Variants in RIPOR2 observed in about 807,000 individuals in gnomAD.
RIPOR2 encodes RHO family interacting cell polarization regulator 2.
A neutral mutation model predicts 114.5 loss-of-function variants in RIPOR2; 39 were observed. That is an observed-to-expected ratio of 0.34 (90% CI 0.26 to 0.44). The LOEUF is 0.44. Ranked by LOEUF, RIPOR2 falls within the 20% of genes least tolerant of loss-of-function variation. RIPOR2 has a pLI of 1.00. For synonymous variants in RIPOR2, 445 were observed against 484.4 expected, an observed-to-expected ratio of 0.92 and a Z score of 1.07; for missense variants, 1,007 against 1,255.1, an observed-to-expected ratio of 0.80 and a Z score of 2.99.
At chr6:24,869,287 A>T in intron 5 of RIPOR2, 140 bp from the exon 6 acceptor site, 1 of 519,544 alleles carries the variant, frequency 1.9e-6, no homozygotes. Flanking sequence ...CTTTGAAGCT[A>T]TTTTAGAGAT....
intron 1 of RIPOR2, among the ~76,000 whole-genome samples, chr6:24,923,024 G>A (rs1456159963): frequency 6.6e-6 from 1 of 152,040 alleles, no homozygotes; most frequent in East Asian, 1.9e-4. Flanking sequence ...GCCCTTTAAA[G>A]CAATTCCCTG....
At chr6:24,945,800 T>C (rs1437937924) in intron 1 of RIPOR2, among the ~76,000 whole-genome samples, 1 of 152,108 alleles carries the variant, frequency 6.6e-6, no homozygotes, top group East Asian at 1.9e-4. Context: ...TAGAAAAATA[T>C]CAATTTAGCA....
intron 4 of RIPOR2, 96 bp from the exon 5 acceptor site, chr6:24,870,985 G>T: frequency 1.5e-6 from 1 of 686,892 alleles, no homozygotes; most frequent in Non-Finnish European, 2.3e-6. Flanking sequence ...CACATTATCT[G>T]TGGAAATAAT....
intron 1 of RIPOR2, among the ~76,000 whole-genome samples, chr6:24,880,495 T>A (rs1428065445): frequency 6.6e-6 from 1 of 152,230 alleles, no homozygotes; most frequent in Admixed American, 6.5e-5. Context: ...TTTTCTGTAT[T>A]ATATTTTTAT....
intron 16 of RIPOR2, 23 bp downstream of exon 16, chr6:24,832,233 C>T (rs375359550): frequency 5.3e-5 from 82 of 1,549,416 alleles, no homozygotes; most frequent in African/African-American, 4.1e-4. Context: ...ACGTGAATAG[C>T]GGTGTAACTG....
Position 24,870,856 on chromosome 6 carries a change from G to T in RIPOR2, c.447+10C>A. On this transcript the variant is annotated intron_variant, in intron 5 of 21. Transcript: ENST00000643898. ...TCTTATTAGCACCCCAACACGGAAT[G>T]GCAACTTACCTTGTCTAGGTCATAC... 6.2e-7 allele frequency: 1 copy of T among 1,601,902 alleles called. No homozygotes were observed. The highest frequency in any genetic ancestry group is 1.7e-5 in the Admixed American group (1 of 58,060).
chr6:24,884,959 G>A (rs1236313709), intron 1 of RIPOR2, among the ~76,000 whole-genome samples: 2 of 151,968 alleles, frequency 1.3e-5, no homozygotes, highest in African/African-American at 2.4e-5. Context: ...AGAATCTCTG[G>A]AAAGTGATAT....
At chr6:25,013,816 A>T (rs983223) in intron 1 of RIPOR2, among the ~76,000 whole-genome samples, 67,029 of 151,998 alleles carry the variant, frequency 0.44, 16,126 homozygotes, top group Non-Finnish European at 0.54. Context: ...CACTCCATGT[A>T]AAAAAGTCCT....
intron 1 of RIPOR2, among the ~76,000 whole-genome samples, chr6:24,884,258 A>C (rs1311180393): frequency 6.6e-6 from 1 of 151,926 alleles, no homozygotes; most frequent in Non-Finnish European, 1.5e-5. Context: ...AAATACAAAA[A>C]ATTAGCCAGG....
chr6:24,916,853 G>A (rs1056908172), intron 1 of RIPOR2, among the ~76,000 whole-genome samples: 4 of 152,166 alleles, frequency 2.6e-5, no homozygotes, highest in African/African-American at 9.7e-5. Flanking sequence ...AGGTTCAGAA[G>A]TCAGTCCCCT....
intron 20 of RIPOR2, 71 bp from the exon 21 acceptor site, chr6:24,809,878 A>C: frequency 9.8e-7 from 1 of 1,015,566 alleles, no homozygotes; most frequent in Non-Finnish European, 1.5e-6. Flanking sequence ...TTGGCATTTC[A>C]CAACTGGTGG....
chr6:24,864,943 C>T (rs986577445), intron 7 of RIPOR2, among the ~76,000 whole-genome samples: 5 of 152,162 alleles, frequency 3.3e-5, no homozygotes, highest in Non-Finnish European at 2.9e-5. Context: ...ATGTGGTTTA[C>T]GCATTCATTT....
At chr6:24,991,227 G>A (rs758510127) in intron 1 of RIPOR2, among the ~76,000 whole-genome samples, 1 of 152,224 alleles carries the variant, frequency 6.6e-6, no homozygotes, top group Non-Finnish European at 1.5e-5. Context: ...GCAGCTGAGA[G>A]AGAGGACGTA....
chr6:24,829,504 T>A (rs1760480590), intron 17 of RIPOR2, among the ~76,000 whole-genome samples: 1 of 152,030 alleles, frequency 6.6e-6, no homozygotes, highest in South Asian at 2.1e-4. Flanking sequence ...GGCATCTATC[T>A]ACAGTCCCAG....
intron 19 of RIPOR2, among the ~76,000 whole-genome samples, chr6:24,824,809 C>T (rs1255969708): frequency 6.6e-6 from 1 of 152,060 alleles, no homozygotes; most frequent in East Asian, 1.9e-4. Flanking sequence ...AAATGCCCAC[C>T]AATACACAGT....
chr6:25,035,652 A>G (rs1777208837), intron 1 of RIPOR2, among the ~76,000 whole-genome samples: 1 of 152,136 alleles, frequency 6.6e-6, no homozygotes, highest in Non-Finnish European at 1.5e-5. Context: ...GGGGAGAAAC[A>G]TGAGTGTGGT....
intron 1 of RIPOR2, among the ~76,000 whole-genome samples, chr6:25,035,673 C>A (rs1280176977): frequency 1.3e-5 from 2 of 152,164 alleles, no homozygotes; most frequent in African/African-American, 4.8e-5. Flanking sequence ...CAAGGCCTGA[C>A]CCTTGCCAGA....
At chr6:24,871,421 G>A (rs1015240452) in intron 4 of RIPOR2, among the ~76,000 whole-genome samples, 5 of 152,130 alleles carry the variant, frequency 3.3e-5, no homozygotes, top group Non-Finnish European at 1.5e-5. Flanking sequence ...GCACGATCTC[G>A]GCTCACCGCA....
At chr6:24,976,739 G>C in intron 1 of RIPOR2, 4 of 1,611,038 alleles carry the variant, frequency 2.5e-6, no homozygotes, top group South Asian at 2.2e-5. Context: ...ATTTGAAGAT[G>C]AGAACTTCAT....
Sources: allele counts gnomAD v4.1 joint callset (sites outside exome capture counted in the v4.1 genomes callset), GRCh38; gene constraint gnomAD v4.1.1; transcripts MANE v1.5; gene names NCBI Gene and HGNC (gene_info 2026-07-23, HGNC 2026-07-21).